EFNA5: variants seen among roughly 807,000 people sequenced by gnomAD.
EFNA5 encodes ephrin-A5.
Under a neutral mutation model 22.9 loss-of-function variants are expected in EFNA5, and 5 were observed. The ratio of observed to expected loss-of-function variants is 0.22; its 90% CI spans 0.11 to 0.46. EFNA5 has a LOEUF of 0.46. Among genes scored for constraint, EFNA5 ranks in the 20% least tolerant of loss-of-function variants. EFNA5 has a pLI of 0.99. For missense variants in EFNA5, 237 were observed against 293.3 expected (o/e 0.81, Z 1.40); for synonymous variants, 113 against 112.2 (o/e 1.01, Z -0.04).
intron 1 of EFNA5, among the ~76,000 whole-genome samples, chr5:107,650,392 A>G (rs1750705409): frequency 6.6e-6 from 1 of 152,112 alleles, no homozygotes; most frequent in Non-Finnish European, 1.5e-5. Context: ...ACTAATCAGG[A>G]AGAATTTACT....
At chr5:107,444,475 T>A (rs529765642) in intron 1 of EFNA5, among the ~76,000 whole-genome samples, 2 of 152,226 alleles carry the variant, frequency 1.3e-5, no homozygotes, top group Non-Finnish European at 2.9e-5. Context: ...ACAGTGTAAG[T>A]AGAAATTATG....
intron 1 of EFNA5, among the ~76,000 whole-genome samples, chr5:107,651,675 A>AC (rs1300570065): frequency 2.0e-5 from 3 of 151,656 alleles, no homozygotes; most frequent in African/African-American, 7.3e-5. Flanking sequence ...TTTGGCAAAA[A>AC]AAAAAAAAAG....
chr5:107,461,631 T>C (rs1749838199), intron 1 of EFNA5, among the ~76,000 whole-genome samples: 1 of 152,148 alleles, frequency 6.6e-6, no homozygotes, highest in Non-Finnish European at 1.5e-5. Context: ...GCAGCATTGC[T>C]TCTGTAGGTC....
At chr5:107,589,682 TC>T (rs919492762) in intron 1 of EFNA5, among the ~76,000 whole-genome samples, 8 of 152,158 alleles carry the variant, frequency 5.3e-5, no homozygotes, top group Non-Finnish European at 1.0e-4. Flanking sequence ...TATTTTATCA[TC>T]ATCATAAGAA....
In EFNA5 at chr5:107,670,626, G is replaced by T; in HGVS notation, c.-13C>A. ...CCACGTGCAACATCACGCCTGGCCAGCGGCGGAGCCCCCGACGCGCCACTC... is the reference window on the plus strand; with the variant it reads ...CCACGTGCAACATCACGCCTGGCCATCGGCGGAGCCCCCGACGCGCCACTC... On this transcript the variant is annotated 5_prime_UTR_variant, in exon 1 of 5. The change creates a new upstream start codon in the 5' untranslated region. Coordinates refer to ENST00000333274, the MANE Select transcript of EFNA5 (RefSeq NM_001962.3). 1 of 1,599,082 alleles carries T rather than the reference G, an allele frequency of 6.3e-7. No homozygotes were observed. The highest frequency in any genetic ancestry group is 8.5e-7 in the Non-Finnish European group (1 of 1,173,476).
chr5:107,592,397 C>T (rs149435377), intron 1 of EFNA5, among the ~76,000 whole-genome samples: 1 of 151,456 alleles, frequency 6.6e-6, no homozygotes, highest in Non-Finnish European at 1.5e-5. Flanking sequence ...GCAAATACAC[C>T]CCTCATTCTT....
chr5:107,598,051 T>C (rs143132539), intron 1 of EFNA5, among the ~76,000 whole-genome samples: 22 of 152,320 alleles, frequency 1.4e-4, no homozygotes, highest in African/African-American at 5.3e-4. Flanking sequence ...CCATTTACGA[T>C]AACTTTAAGA....
chr5:107,546,004 G>T (rs1037956821), intron 1 of EFNA5, among the ~76,000 whole-genome samples: 1 of 152,060 alleles, frequency 6.6e-6, no homozygotes, highest in Non-Finnish European at 1.5e-5. Context: ...CAAATAACAT[G>T]CCTGCAATCA....
chr5:107,535,055 A>G (rs1409254448), intron 1 of EFNA5, among the ~76,000 whole-genome samples: 7 of 152,148 alleles, frequency 4.6e-5, no homozygotes, highest in Admixed American at 6.6e-5. Flanking sequence ...AAAGTGGAAA[A>G]AAGTCTTAGT....
intron 1 of EFNA5, among the ~76,000 whole-genome samples, chr5:107,441,491 T>C (rs1749256439): frequency 1.3e-5 from 2 of 152,220 alleles, no homozygotes; most frequent in Non-Finnish European, 2.9e-5. Flanking sequence ...TCCCACCATA[T>C]AACTGGGACA....
intron 1 of EFNA5, among the ~76,000 whole-genome samples, chr5:107,656,650 T>C (rs1332887005): frequency 1.3e-5 from 2 of 152,148 alleles, no homozygotes; most frequent in Non-Finnish European, 2.9e-5. Flanking sequence ...TATTGAAGTA[T>C]GATTGACTTT....
intron 1 of EFNA5, among the ~76,000 whole-genome samples, chr5:107,557,374 G>C (rs1298709229): frequency 2.6e-5 from 4 of 151,150 alleles, no homozygotes; most frequent in African/African-American, 9.8e-5. Flanking sequence ...AGGGGCGAGA[G>C]AGGGAAGCCT....
chr5:107,622,565 T>C (rs569901984), intron 1 of EFNA5, among the ~76,000 whole-genome samples: 1 of 152,284 alleles, frequency 6.6e-6, no homozygotes, highest in African/African-American at 2.4e-5. Flanking sequence ...ACTTACTGAA[T>C]ATCTCCATTA....
intron 1 of EFNA5, among the ~76,000 whole-genome samples, chr5:107,470,363 T>C (rs1038083649): frequency 6.6e-6 from 1 of 152,198 alleles, no homozygotes. Flanking sequence ...TGACACCCAA[T>C]TGTTATTATA....
intron 1 of EFNA5, among the ~76,000 whole-genome samples, chr5:107,429,587 A>C (rs1032022526): frequency 2.0e-5 from 3 of 152,200 alleles, no homozygotes; most frequent in African/African-American, 7.2e-5. Flanking sequence ...TAGATTTAAG[A>C]ACTGGATCTG....
At chr5:107,533,254 G>A (rs1360683474) in intron 1 of EFNA5, among the ~76,000 whole-genome samples, 1 of 152,102 alleles carries the variant, frequency 6.6e-6, no homozygotes, top group Non-Finnish European at 1.5e-5. Context: ...TCGATATGAA[G>A]CGGGGGGATC....
At chr5:107,666,592 G>T (rs1751079370) in intron 1 of EFNA5, among the ~76,000 whole-genome samples, 1 of 152,086 alleles carries the variant, frequency 6.6e-6, no homozygotes, top group Non-Finnish European at 1.5e-5. Flanking sequence ...CCTCTTAAGA[G>T]TATAACCTTT....
intron 1 of EFNA5, among the ~76,000 whole-genome samples, chr5:107,487,856 C>A (rs1184337284): frequency 6.6e-6 from 1 of 152,150 alleles, no homozygotes; most frequent in East Asian, 1.9e-4. Context: ...CAAATATTTG[C>A]TGAATTTAAT....
At chr5:107,435,315 C>CTTTT (rs3999107) in intron 1 of EFNA5, among the ~76,000 whole-genome samples, 19 of 104,630 alleles carry the variant, frequency 1.8e-4, no homozygotes, top group East Asian at 2.5e-4. Context: ...TGAAGATGCT[C>CTTTT]TTTTTTTTTT....
Sources: allele counts gnomAD v4.1 joint callset (sites outside exome capture counted in the v4.1 genomes callset), GRCh38; gene constraint gnomAD v4.1.1; transcripts MANE v1.5; gene names NCBI Gene and HGNC (gene_info 2026-07-23, HGNC 2026-07-21).